SCGB1A1: variants seen among roughly 807,000 people sequenced by gnomAD.
The protein encoded by SCGB1A1 is secretoglobin family 1A member 1, also known as uteroglobin.
A neutral mutation model predicts 7.5 loss-of-function variants in SCGB1A1; 8 were observed. The ratio of observed to expected loss-of-function variants is 1.07; its 90% CI spans 0.63 to 1.92. The LOEUF (loss-of-function observed/expected upper bound fraction) is 1.92, where lower values mean the gene tolerates loss of function less well. SCGB1A1 is among the 30% of genes most tolerant of loss of function. The pLI, the probability that SCGB1A1 is intolerant of heterozygous loss-of-function variation, is 0.00. For missense variants in SCGB1A1, 121 were observed against 112.7 expected, an observed-to-expected ratio of 1.07 and a Z score of -0.33; for synonymous variants, 44 against 40.8, an observed-to-expected ratio of 1.08 and a Z score of -0.30.
intron 1 of SCGB1A1, among the ~76,000 whole-genome samples, chr11:62,421,159 G>C (rs910361645): frequency 2.0e-5 from 3 of 151,722 alleles, no homozygotes; most frequent in African/African-American, 7.2e-5. Flanking sequence ...TAGAGTCAGA[G>C]GAGGGAAGGC....
chr11:62,422,226 G>A lies in SCGB1A1; in HGVS notation c.61G>A (p.Ala21Thr). 6.2e-7 allele frequency: 1 copy of A among 1,610,390 alleles called. No homozygotes were observed. The highest frequency in any genetic ancestry group is 8.5e-7 in the Non-Finnish European group (1 of 1,177,574). Residue 21 changes from alanine to threonine, a missense_variant, in exon 2 of 3, where the codon GCA becomes ACA. Ala to Thr is a moderately conservative substitution (Grantham distance 58). Coordinates refer to ENST00000278282, the MANE Select transcript of SCGB1A1 (RefSeq NM_003357.5). ...TTCTCTCCTCTGTGTTGCAGCTTCT[G>A]CAGAGATCTGCCCGAGCTTTCAGCG... Reference protein sequence around the residue: ...TLALCCSSASAEICPSFQRVI... With the variant: ...TLALCCSSASTEICPSFQRVI...
At chr11:62,420,267 C>T (rs1937749617) in intron 1 of SCGB1A1, among the ~76,000 whole-genome samples, 1 of 151,350 alleles carries the variant, frequency 6.6e-6, no homozygotes, top group South Asian at 2.1e-4. Context: ...TTACTTCACA[C>T]AATGTGCCAA....
intron 1 of SCGB1A1, 195 bp from the exon 2 acceptor site, chr11:62,422,026 C>G (rs1469967878): frequency 4.7e-6 from 2 of 425,236 alleles, no homozygotes; most frequent in East Asian, 6.9e-5. Flanking sequence ...AAAAACGGCA[C>G]CTTGCTCACC....
intron 1 of SCGB1A1, 48 bp downstream of exon 1, chr11:62,419,198 A>G (rs780508088): frequency 4.1e-5 from 56 of 1,365,390 alleles, no homozygotes; most frequent in Admixed American, 3.6e-4. Context: ...AGGAACTCTC[A>G]GGACCCCCCA....
rs183602657 is a variant in SCGB1A1 at position 62,422,984 on chromosome 11, C to T, written c.244-75C>T. On this transcript the variant is annotated intron_variant, in intron 2 of 2. Transcript: ENST00000278282. Reference sequence around the variant, plus strand: ...GGTTAATGTTGAAGTTTCTGTGGCTCGTCATCTCTGCCTAACTATGCAATT... The same window carrying T: ...GGTTAATGTTGAAGTTTCTGTGGCTTGTCATCTCTGCCTAACTATGCAATT... 7.9e-4 allele frequency: 1,094 copies of T among 1,386,218 alleles called. 3 individuals are homozygous for T. Among genetic ancestry groups the T allele is most frequent in the Middle Eastern group, 5.0e-3 (28 of 5,632 alleles). The allele number at this position is 1,386,218 out of a possible 1,614,324, so 85.9% of individuals were successfully genotyped here. A position where few individuals can be genotyped will look rare whatever the true frequency, so the allele number is the denominator to read the frequency against.
intron 1 of SCGB1A1, among the ~76,000 whole-genome samples, chr11:62,421,472 TTTTC>T (rs1937789032): frequency 6.7e-6 from 1 of 148,590 alleles, no homozygotes; most frequent in Non-Finnish European, 1.5e-5. Context: ...TTTTCTTTTC[TTTTC>T]TTCTTTTTCT....
Position 62,419,080 on chromosome 11 carries a change from A to G in SCGB1A1, c.-16A>G, listed in dbSNP as rs746223482. 98 of 1,583,886 alleles carry G rather than the reference A, an allele frequency of 6.2e-5. No homozygotes were observed. Among genetic ancestry groups the G allele is most frequent in the Non-Finnish European group, 8.2e-5 (95 of 1,162,864 alleles). ...GACGGAACCAGAGACGGGCCAGAGC[A>G]TCCCCCTCCTCCACCATGAAACTCG... is the stretch of plus-strand genomic sequence containing the variant. On this transcript the variant is annotated 5_prime_UTR_variant, in exon 1 of 3. Coordinates refer to ENST00000278282, the MANE Select transcript of SCGB1A1 (RefSeq NM_003357.5).
chr11:62,419,171 C>T (rs1036739666), intron 1 of SCGB1A1, 21 bp downstream of exon 1: 1 of 1,506,322 alleles, frequency 6.6e-7, no homozygotes, highest in Non-Finnish European at 8.9e-7. Flanking sequence ...AGAGACCCTT[C>T]CCTCCCTCCT....
intron 2 of SCGB1A1, 139 bp downstream of exon 2, chr11:62,422,547 G>T: frequency 4.6e-5 from 21 of 456,968 alleles, no homozygotes; most frequent in East Asian, 8.0e-5. Context: ...GCAGCACAGT[G>T]ATCTTTCTAG....
At chr11:62,421,726 T>TG (rs1937797722) in intron 1 of SCGB1A1, 2 of 152,200 alleles carry the variant, frequency 1.3e-5, no homozygotes, top group Non-Finnish European at 2.9e-5. Flanking sequence ...TTGGCCAGGC[T>TG]GGTCTCGAAC....
chr11:62,419,718 C>T (rs1055552821), intron 1 of SCGB1A1, among the ~76,000 whole-genome samples: 6 of 152,120 alleles, frequency 3.9e-5, no homozygotes, highest in Non-Finnish European at 8.8e-5. Flanking sequence ...CATTTCCGTC[C>T]TCTGCAAAAG....
At chr11:62,422,985 G>A (rs528209051) in intron 2 of SCGB1A1, 74 bp from the exon 3 acceptor site, 25 of 1,401,280 alleles carry the variant, frequency 1.8e-5, no homozygotes, top group African/African-American at 8.5e-5. Context: ...TCTGTGGCTC[G>A]TCATCTCTGC....
At chr11:62,419,859 C>A (rs989864701) in intron 1 of SCGB1A1, among the ~76,000 whole-genome samples, 1 of 152,170 alleles carries the variant, frequency 6.6e-6, no homozygotes, top group African/African-American at 2.4e-5. Context: ...TCTCCAAGAT[C>A]CCCCGTCTTT....
At chr11:62,421,409 G>A (rs1306733841) in intron 1 of SCGB1A1, among the ~76,000 whole-genome samples, 3 of 152,050 alleles carry the variant, frequency 2.0e-5, no homozygotes, top group East Asian at 1.9e-4. Flanking sequence ...ACCTCTTCCC[G>A]GCCAGGTTCG....
chr11:62,422,549 T>C, intron 2 of SCGB1A1, 141 bp downstream of exon 2: 1 of 602,462 alleles, frequency 1.7e-6, no homozygotes, highest in African/African-American at 1.9e-5. Flanking sequence ...AGCACAGTGA[T>C]CTTTCTAGAC....
rs975571199 is a variant in SCGB1A1 at position 62,423,158 on chromosome 11, A to G, written c.*67A>G. 3.3e-6 allele frequency: 5 copies of G among 1,513,304 alleles called. No individual in the cohort carries two copies. Among genetic ancestry groups the G allele is most frequent in the Non-Finnish European group, 4.6e-6 (5 of 1,088,984 alleles). The allele number at this position is 1,513,304 out of a possible 1,614,324, so 93.7% of individuals were successfully genotyped here. On this transcript the variant is annotated 3_prime_UTR_variant, in exon 3 of 3. Coordinates refer to ENST00000278282, the MANE Select transcript of SCGB1A1 (RefSeq NM_003357.5). Reference sequence around the variant, plus strand: ...GCTGCCATGCTTTGAGTCCACGCCCACCAGCCTTGCTCTCTTCAATAAACC... The same window carrying G: ...GCTGCCATGCTTTGAGTCCACGCCCGCCAGCCTTGCTCTCTTCAATAAACC...
rs550040069 is a variant in SCGB1A1, at chr11:62,422,239, C to T, written c.74C>T (p.Pro25Leu). ...CCSSASAEIC[P>L]SFQRVIETLL... ...GTTGCAGCTTCTGCAGAGATCTGCC[C>T]GAGCTTTCAGCGTGTCATCGAAACC... Residue 25 changes from proline to leucine, a missense_variant, in exon 2 of 3, where the codon CCG becomes CTG. Transcript: ENST00000278282. 26 of 1,612,454 alleles carry T rather than the reference C, an allele frequency of 1.6e-5. No individual in the cohort carries two copies. Among genetic ancestry groups the T allele is most frequent in the East Asian group, 1.6e-4 (7 of 44,838 alleles).
At chr11:62,419,837 G>A (rs370882518) in intron 1 of SCGB1A1, among the ~76,000 whole-genome samples, 1 of 152,260 alleles carries the variant, frequency 6.6e-6, no homozygotes, top group Non-Finnish European at 1.5e-5. Flanking sequence ...AAGGAAAGAA[G>A]GATCACAGCT....
At chr11:62,419,342 G>A (rs1267831846) in intron 1 of SCGB1A1, among the ~76,000 whole-genome samples, 192 bp downstream of exon 1, 4 of 152,242 alleles carry the variant, frequency 2.6e-5, no homozygotes, top group Non-Finnish European at 5.9e-5. Context: ...GCCCCAGGCT[G>A]TAAGGAAGCC....
Sources: gnomAD v4.1 joint callset for allele counts (sites outside exome capture counted in the v4.1 genomes callset) on GRCh38, gnomAD v4.1.1 for gene constraint, MANE v1.5 for transcripts, NCBI Gene and HGNC (gene_info 2026-07-23, HGNC 2026-07-21) for gene names.